FCN2: variants seen among roughly 807,000 people sequenced by gnomAD.
FCN2 encodes ficolin-2.
A neutral mutation model predicts 32.5 loss-of-function variants in FCN2; 31 were observed. The observed-to-expected ratio is 0.96, with a 90% CI of 0.72 to 1.29. The LOEUF (loss-of-function observed/expected upper bound fraction) is 1.29, where lower values mean the gene tolerates loss of function less well. Ranked by LOEUF, FCN2 falls within the 50% of genes most tolerant of loss-of-function variation. The pLI is 0.00. For missense variants in FCN2, 412 were observed against 406.5 expected (o/e 1.01, Z -0.12); for synonymous variants, 181 against 164.5 (o/e 1.10, Z -0.77).
Position 134,887,236 on chromosome 9 carries a change from G to T in FCN2, c.763G>T (p.Gly255Ter). The change falls in exon 8 of 8, where the codon GGA (glycine) becomes TGA (stop). Residue 255 changes from glycine to a stop codon, truncating the protein, a stop_gained. Transcript: ENST00000291744. LOFTEE classifies it low-confidence loss of function (END_TRUNC). Reference sequence around the variant, plus strand: ...AGACCAGGACAATGATCTTAACACCGGAAATTGTGCTGTGATGTTTCAGGG... The same window carrying T: ...AGACCAGGACAATGATCTTAACACCTGAAATTGTGCTGTGATGTTTCAGGG... ...TKDQDNDLNT[G>*]NCAVMFQGAW... 1 of 1,614,136 alleles carries T rather than the reference G, an allele frequency of 6.2e-7. No individual in the cohort carries two copies. The highest frequency in any genetic ancestry group is 8.5e-7 in the Non-Finnish European group (1 of 1,180,018).
chr9:134,885,824 C>T lies in FCN2; in HGVS notation c.486C>T (p.Tyr162=). 3 of 1,613,928 alleles carry T rather than the reference C, an allele frequency of 1.9e-6. No individual in the cohort carries two copies. The highest frequency in any genetic ancestry group is 1.1e-5 in the South Asian group (1 of 91,072). ...SVDFYRDWAT[Y]KQGFGSRLGE... is the part of the protein sequence containing the mutation. ...ACTTCTACCGGGACTGGGCCACGTA[C>T]AAGCAGGGCTTCGGCAGTCGGCTGG... is the stretch of plus-strand genomic sequence containing the variant. The change falls in exon 6 of 8, where the codon TAC becomes TAT. Residue 162 remains tyrosine, a synonymous_variant. Coordinates refer to ENST00000291744, the MANE Select transcript of FCN2 (RefSeq NM_004108.3).
chr9:134,864,505 G>T, the FCN2 span, among the ~76,000 whole-genome samples: 5 of 152,172 alleles, frequency 3.3e-5, no homozygotes, highest in South Asian at 2.1e-4. Flanking sequence ...GGAGAGAGAG[G>T]TTACAGTGGG....
chr9:134,887,251 A>C lies in FCN2; in HGVS notation c.778A>C (p.Met260Leu). The change falls in exon 8 of 8, where the codon ATG becomes CTG. Residue 260 changes from methionine (M) to leucine (L), a missense_variant. Physicochemically the swap from Met to Leu is conservative, Grantham distance 15. Coordinates refer to ENST00000291744, the MANE Select transcript of FCN2 (RefSeq NM_004108.3). ...NDLNTGNCAV[M>L]FQGAWWYKNC... ...TCTTAACACCGGAAATTGTGCTGTG[A>C]TGTTTCAGGGAGCTTGGTGGTACAA... The C allele has an allele frequency of 1.2e-6, 2 of 1,614,212 alleles. No homozygotes were observed. The highest frequency in any genetic ancestry group is 1.7e-6 in the Non-Finnish European group (2 of 1,180,034).
At chr9:134,872,814 C>T in the FCN2 span, among the ~76,000 whole-genome samples, 13,818 of 152,154 alleles carry the variant, frequency 0.091, 916 homozygotes, top group Admixed American at 0.23. Flanking sequence ...GGGGACACAG[C>T]CAAACCATAT....
At chr9:134,877,024 C>A (rs991365429), upstream of FCN2, among the ~76,000 whole-genome samples, 46 of 152,282 alleles carry the variant, frequency 3.0e-4, 1 homozygote, top group Admixed American at 2.8e-3. Flanking sequence ...TCATTGATCT[C>A]TTCCTAATAG....
chr9:134,871,219 G>A, the FCN2 span, among the ~76,000 whole-genome samples: 7 of 152,296 alleles, frequency 4.6e-5, no homozygotes, highest in East Asian at 1.4e-3. Context: ...TCGGCGCTGA[G>A]GACTGGTGGA....
the FCN2 span, among the ~76,000 whole-genome samples, chr9:134,869,080 G>A: frequency 6.6e-6 from 1 of 152,146 alleles, no homozygotes; most frequent in African/African-American, 2.4e-5. Context: ...GAGAGTGTTC[G>A]CCGACCTCTG....
At chr9:134,886,912 G>T (rs1208181972) in intron 7 of FCN2, among the ~76,000 whole-genome samples, 1 of 152,114 alleles carries the variant, frequency 6.6e-6, no homozygotes, top group Non-Finnish European at 1.5e-5. Context: ...CCTGACCCCT[G>T]CCTCCTGTTC....
the FCN2 span, among the ~76,000 whole-genome samples, chr9:134,873,891 T>G: frequency 6.2e-5 from 4 of 64,732 alleles, no homozygotes; most frequent in African/African-American, 2.8e-4. Context: ...TTGTTTGTTT[T>G]GTTTTTTGTT....
At chr9:134,883,499 C>A in intron 3 of FCN2, 144 bp downstream of exon 3, 2 of 751,146 alleles carry the variant, frequency 2.7e-6, no homozygotes, top group Non-Finnish European at 4.7e-6. Flanking sequence ...GGGCTTAGTC[C>A]AGGGCAGGGG....
chr9:134,864,667 A>T, the FCN2 span, among the ~76,000 whole-genome samples: 1 of 152,126 alleles, frequency 6.6e-6, no homozygotes, highest in Non-Finnish European at 1.5e-5. Flanking sequence ...TGTCCAGGTG[A>T]GTCAGCCCCC....
the FCN2 span, among the ~76,000 whole-genome samples, chr9:134,867,543 T>C: frequency 5.5e-5 from 8 of 146,738 alleles, no homozygotes; most frequent in Non-Finnish European, 1.2e-4. Flanking sequence ...TAATGCTAGA[T>C]GACGAGTTAG....
At chr9:134,867,508 G>C in the FCN2 span, among the ~76,000 whole-genome samples, 2 of 105,678 alleles carry the variant, frequency 1.9e-5, no homozygotes, top group South Asian at 8.7e-4. Context: ...GGGGAGGGGG[G>C]AGGGATAGCA....
the FCN2 span, among the ~76,000 whole-genome samples, chr9:134,868,040 C>T: frequency 6.6e-6 from 1 of 152,170 alleles, no homozygotes; most frequent in African/African-American, 2.4e-5. This position sits in a 1 kb window ranked among gnomAD's most constrained non-coding sequence, Gnocchi z 4.3. Flanking sequence ...AGTGATCTGC[C>T]ACAGGACACA....
At chr9:134,873,085 G>T in the FCN2 span, among the ~76,000 whole-genome samples, 1 of 151,478 alleles carries the variant, frequency 6.6e-6, no homozygotes, top group Non-Finnish European at 1.5e-5. Context: ...CTTCAGTGAA[G>T]CATCCTTTCA....
upstream of FCN2, among the ~76,000 whole-genome samples, chr9:134,879,230 G>A (rs1405727426): frequency 6.6e-6 from 1 of 152,204 alleles, no homozygotes; most frequent in Admixed American, 6.5e-5. Flanking sequence ...TTCTGTTGAA[G>A]TTATCCTGCA....
chr9:134,873,065 C>T, the FCN2 span, among the ~76,000 whole-genome samples: 2 of 151,886 alleles, frequency 1.3e-5, no homozygotes, highest in Non-Finnish European at 2.9e-5. Flanking sequence ...TTGCTATATC[C>T]GCACATCTTC....
chr9:134,868,632 G>A, the FCN2 span, among the ~76,000 whole-genome samples: 1 of 152,206 alleles, frequency 6.6e-6, no homozygotes. The surrounding 1 kb of genome is among the most constrained non-coding windows in gnomAD (Gnocchi z 4.3). Context: ...GCAGAGCTTT[G>A]CACCCAGTGC....
At chr9:134,882,672 T>G (rs765138886) in intron 2 of FCN2, 33 bp downstream of exon 2, 22 of 1,456,208 alleles carry the variant, frequency 1.5e-5, no homozygotes, top group African/African-American at 2.8e-5. Context: ...GCACTGGCTC[T>G]TGCTCTTTTT....
Sources: gnomAD v4.1 joint callset for allele counts (sites outside exome capture counted in the v4.1 genomes callset) on GRCh38, gnomAD v4.1.1 for gene constraint, Gnocchi (gnomAD v3.1) non-coding constraint, MANE v1.5 for transcripts, NCBI Gene and HGNC (gene_info 2026-07-23, HGNC 2026-07-21) for gene names.